PTP4A2: variants seen among roughly 807,000 people sequenced by gnomAD.
PTP4A2 encodes the protein protein tyrosine phosphatase type IVA 2.
PTP4A2 carries 2 observed loss-of-function variants against 22.9 expected under a neutral mutation model. The observed-to-expected ratio is 0.09, with a 90% confidence interval of 0.04 to 0.27. The LOEUF is 0.27. Among genes scored for constraint, PTP4A2 ranks in the 10% least tolerant of loss-of-function variants. PTP4A2 has a pLI of 1.00. For synonymous variants in PTP4A2, 68 were observed against 69.1 expected (o/e 0.98, Z 0.08); for missense variants, 103 against 205.1 (o/e 0.50, Z 3.04).
chr1:31,924,627 C>T (rs1212522692), intron 1 of PTP4A2, among the ~76,000 whole-genome samples: 1 of 152,210 alleles, frequency 6.6e-6, no homozygotes, highest in African/African-American at 2.4e-5. Flanking sequence ...GCTCTATCTA[C>T]TTAAATAAAT....
intron 3 of PTP4A2, among the ~76,000 whole-genome samples, chr1:31,915,250 T>G (rs1651762568): frequency 1.3e-5 from 2 of 152,190 alleles, no homozygotes; most frequent in Non-Finnish European, 2.9e-5. Flanking sequence ...AGAGCACAAA[T>G]GAACAAAACT....
intron 1 of PTP4A2, among the ~76,000 whole-genome samples, chr1:31,923,532 C>T (rs1358045845): frequency 6.6e-6 from 1 of 150,742 alleles, no homozygotes; most frequent in Non-Finnish European, 1.5e-5. Context: ...GACGGGGTTT[C>T]ACCGTGTTAG....
At chr1:31,911,066 C>T (rs1017557405) in intron 4 of PTP4A2, 1 of 152,198 alleles carries the variant, frequency 6.6e-6, no homozygotes, top group Non-Finnish European at 1.5e-5. Context: ...AAACTTCTAA[C>T]CTTATGAACA....
At chr1:31,916,331 C>T (rs796478734) in intron 2 of PTP4A2, among the ~76,000 whole-genome samples, 1 of 114,160 alleles carries the variant, frequency 8.8e-6, no homozygotes, top group Admixed American at 1.3e-4. Flanking sequence ...GGCGACAGAG[C>T]GAGACTCCGT....
intron 1 of PTP4A2, among the ~76,000 whole-genome samples, chr1:31,925,317 G>GA (rs1652396514): frequency 6.6e-6 from 1 of 152,286 alleles, no homozygotes; most frequent in South Asian, 2.1e-4. Context: ...CATAGGATTA[G>GA]AAAGAGGCTC....
rs1341767028 is a variant in PTP4A2, at chr1:31,934,797, A to T, written c.-594+3190T>A. On this transcript the variant is annotated intron_variant, in intron 1 of 5. Coordinates refer to ENST00000647444, the MANE Select transcript of PTP4A2 (RefSeq NM_080391.4). The stretch of plus-strand genomic sequence containing the variant: ...ACTCTTCCTAGTGCTACAAAGTTCA[A>T]TGATGTTGTAAATGGTTTCTGCCTA... 2.6e-5 allele frequency among the ~76,000 whole-genome samples: 4 copies of T among 152,342 alleles called. No homozygotes were observed. In the East Asian group the frequency reaches 7.7e-4, roughly 29 times the overall value.
At chr1:31,924,640 T>C (rs1293170708) in intron 1 of PTP4A2, among the ~76,000 whole-genome samples, 1 of 152,258 alleles carries the variant, frequency 6.6e-6, no homozygotes, top group Admixed American at 6.5e-5. Flanking sequence ...AAATAAATTA[T>C]TGTTTTAACT....
At chr1:31,912,963 T>C (rs1651618877) in intron 3 of PTP4A2, 1 of 443,472 alleles carries the variant, frequency 2.3e-6, no homozygotes, top group Non-Finnish European at 4.5e-6. Context: ...TAACTGTAAA[T>C]AGCAATAAAA....
intron 1 of PTP4A2, among the ~76,000 whole-genome samples, chr1:31,925,948 A>G (rs555151053): frequency 6.6e-6 from 1 of 151,490 alleles, no homozygotes; most frequent in African/African-American, 2.4e-5. Flanking sequence ...GATCGAAGCC[A>G]TACTGGCCCA....
intron 1 of PTP4A2, among the ~76,000 whole-genome samples, chr1:31,930,523 C>T (rs891588499): frequency 6.6e-6 from 1 of 152,148 alleles, no homozygotes; most frequent in African/African-American, 2.4e-5. Flanking sequence ...TCCCAAAATA[C>T]ATCTTGTCAA....
Position 31,907,331 on chromosome 1 carries a change from A to G in PTP4A2, c.*1521T>C, listed in dbSNP as rs548364521. 6.6e-6 allele frequency: 1 copy of G among 152,324 alleles called. No individual in the cohort carries two copies. Among genetic ancestry groups the G allele is most frequent in the Admixed American group, 6.5e-5 (1 of 15,288 alleles). The allele number at this position is 152,324 out of a possible 1,614,324, so 9.4% of individuals were successfully genotyped here. A position where few individuals can be genotyped will look rare whatever the true frequency, so the allele number is the denominator to read the frequency against. ...CAAGAGCCCCTGATGGTGCCCCTCT[A>G]CCTGCTTTGTCCATGCAGCCTGATC... is the stretch of plus-strand genomic sequence containing the variant. On this transcript the variant is annotated 3_prime_UTR_variant, in exon 6 of 6. Coordinates refer to ENST00000647444, the MANE Select transcript of PTP4A2 (RefSeq NM_080391.4).
At chr1:31,918,905 GA>G in intron 2 of PTP4A2, 64 bp downstream of exon 2, 1 of 955,622 alleles carries the variant, frequency 1.0e-6, no homozygotes, top group Admixed American at 1.8e-5. Context: ...TTTGTGCTAA[GA>G]GAATTTTTTA....
intron 1 of PTP4A2, chr1:31,933,781 T>C (rs1652826869): frequency 6.6e-6 from 1 of 152,154 alleles, no homozygotes; most frequent in Admixed American, 6.5e-5. Context: ...AATTTCCTTA[T>C]CTGTAAAGCT....
intron 1 of PTP4A2, among the ~76,000 whole-genome samples, chr1:31,936,460 T>C (rs1406952066): frequency 1.3e-5 from 2 of 151,978 alleles, no homozygotes; most frequent in African/African-American, 4.8e-5. Flanking sequence ...ACTGAAAGAC[T>C]ACCAACTTCT....
intron 2 of PTP4A2, among the ~76,000 whole-genome samples, chr1:31,918,333 G>C (rs1177694870): frequency 6.6e-6 from 1 of 151,942 alleles, no homozygotes; most frequent in Admixed American, 6.6e-5. Flanking sequence ...AAATATTAAG[G>C]ATCTGACATA....
intron 1 of PTP4A2, among the ~76,000 whole-genome samples, chr1:31,925,738 C>T (rs991077183): frequency 2.7e-4 from 40 of 148,470 alleles, no homozygotes; most frequent in Non-Finnish European, 4.4e-4. Flanking sequence ...CCAGCCTGGG[C>T]GACAGAGCAA....
At chr1:31,911,509 A>C (rs962887456) in intron 4 of PTP4A2, among the ~76,000 whole-genome samples, 187 bp downstream of exon 4, 2 of 152,248 alleles carry the variant, frequency 1.3e-5, no homozygotes, top group Non-Finnish European at 2.9e-5. Flanking sequence ...GAATCAGACA[A>C]CCAGATGAAA....
chr1:31,926,149 A>AAATATAT (rs59088489), intron 1 of PTP4A2, among the ~76,000 whole-genome samples: 6 of 131,350 alleles, frequency 4.6e-5, no homozygotes, highest in African/African-American at 1.7e-4. Context: ...AAAAAAAAAA[A>AAATATAT]ATATATATAT....
chr1:31,920,251 C>A (rs1383511400), intron 1 of PTP4A2, among the ~76,000 whole-genome samples: 1 of 150,818 alleles, frequency 6.6e-6, no homozygotes, highest in Non-Finnish European at 1.5e-5. Flanking sequence ...CAAGACCAGC[C>A]TGGCCAACAT....
Sources: allele counts gnomAD v4.1 joint callset (sites outside exome capture counted in the v4.1 genomes callset), GRCh38; gene constraint gnomAD v4.1.1; transcripts MANE v1.5; gene names NCBI Gene and HGNC (gene_info 2026-07-23, HGNC 2026-07-21).